VIPAS39: variants seen among roughly 807,000 people sequenced by gnomAD.
The protein encoded by VIPAS39 is VPS33B interacting protein, apical-basolateral polarity regulator, spe-39 homolog.
In VIPAS39, 63 loss-of-function variants were observed where a neutral mutation model predicts 84.7. The ratio of observed to expected loss-of-function variants is 0.74; its 90% CI spans 0.61 to 0.92. The LOEUF is 0.92. VIPAS39 is among the 40% of genes least tolerant of loss of function. VIPAS39 has a pLI of 0.00. For missense variants in VIPAS39, 499 were observed against 604.5 expected, an observed-to-expected ratio of 0.83 and a Z score of 1.83; for synonymous variants, 192 against 216.5, an observed-to-expected ratio of 0.89 and a Z score of 0.99.
chr14:77,439,168 A>G (rs2078661114), intron 11 of VIPAS39, among the ~76,000 whole-genome samples: 1 of 152,246 alleles, frequency 6.6e-6, no homozygotes, highest in African/African-American at 2.4e-5. Flanking sequence ...ACAAGGTTGA[A>G]AAACTCAAAA....
chr14:77,428,186 G>A (rs1408029418), intron 19 of VIPAS39, among the ~76,000 whole-genome samples, 184 bp downstream of exon 19: 3 of 152,128 alleles, frequency 2.0e-5, no homozygotes, highest in East Asian at 1.9e-4. Context: ...CTATCATACC[G>A]CATCTCAGGA....
chr14:77,440,032 G>A (rs992721613), intron 11 of VIPAS39, among the ~76,000 whole-genome samples: 3 of 151,930 alleles, frequency 2.0e-5, no homozygotes, highest in Non-Finnish European at 2.9e-5. Flanking sequence ...ACAGGCATGC[G>A]CCACCATGCT....
chr14:77,453,905 T>C, intron 2 of VIPAS39, 105 bp downstream of exon 2: 1 of 1,031,380 alleles, frequency 9.7e-7, no homozygotes, highest in East Asian at 2.4e-5. Context: ...TTTCTGAGCC[T>C]AATGAAGACA....
At chr14:77,443,029 A>G in intron 9 of VIPAS39, 90 bp downstream of exon 9, 2 of 1,554,672 alleles carry the variant, frequency 1.3e-6, no homozygotes, top group South Asian at 2.2e-5. Context: ...GACTTGACTA[A>G]TGAATTCTGG....
Position 77,435,929 on chromosome 14 carries a change from T to G in VIPAS39, c.837-10A>C, listed in dbSNP as rs570589842. ...TGCTGAAAATGGCAAACTGGTAGAG[T>G]GCCAGAAGGTTAGTACCTTTCTCTA... is the stretch of plus-strand genomic sequence containing the variant. On this transcript the variant is annotated splice_polypyrimidine_tract_variant and intron_variant, in intron 12 of 19. Coordinates refer to ENST00000557658, the MANE Select transcript of VIPAS39 (RefSeq NM_001193315.2). The G allele has an allele frequency of 1.2e-6, 2 of 1,613,934 alleles. No homozygotes were observed. Among genetic ancestry groups the G allele is most frequent in the African/African-American group, 2.7e-5 (2 of 74,990 alleles).
chr14:77,457,220 G>A, intron 1 of VIPAS39: 1 of 1,521,682 alleles, frequency 6.6e-7, no homozygotes, highest in Non-Finnish European at 8.8e-7. Flanking sequence ...AGGAAGCCAT[G>A]GATCTACCGC....
At chr14:77,453,972 A>C in intron 2 of VIPAS39, 38 bp downstream of exon 2, 1 of 1,597,366 alleles carries the variant, frequency 6.3e-7, no homozygotes, top group Non-Finnish European at 8.6e-7. Flanking sequence ...TTATAGTGGC[A>C]CTGTGGAGAA....
intron 1 of VIPAS39, among the ~76,000 whole-genome samples, chr14:77,456,897 C>G (rs1392592842): frequency 6.6e-6 from 1 of 152,166 alleles, no homozygotes; most frequent in Non-Finnish European, 1.5e-5. Flanking sequence ...ACGATTGTCA[C>G]TCTTAAGAGT....
intron 10 of VIPAS39, among the ~76,000 whole-genome samples, chr14:77,441,796 T>G (rs980754696): frequency 3.3e-5 from 5 of 152,212 alleles, no homozygotes. Flanking sequence ...TTGGGCCACA[T>G]GTCAGTCTAA....
chr14:77,435,220 C>CA (rs2078588491), intron 14 of VIPAS39, 39 bp downstream of exon 14: 5 of 1,613,328 alleles, frequency 3.1e-6, no homozygotes, highest in Non-Finnish European at 4.2e-6. Context: ...TCTTTTTGTG[C>CA]AATGAGAGTT....
rs2078748863 is a variant in VIPAS39 at position 77,444,138 on chromosome 14, A to G, written c.597+111T>C. The G allele has an allele frequency of 3.6e-6, 4 of 1,096,984 alleles. No homozygotes were observed. In the Admixed American group the frequency reaches 8.1e-5, roughly 22 times the overall value. 68.0% of individuals were successfully genotyped at this position (1,096,984 alleles called of 1,614,324 possible). A position where few individuals can be genotyped will look rare whatever the true frequency, so the allele number is the denominator to read the frequency against. Reference sequence around the variant, plus strand: ...TTAGAATCCTACACCTCCAAGGGGAATCCAGGATCTTTACTTAACATTTAA... The same window carrying G: ...TTAGAATCCTACACCTCCAAGGGGAGTCCAGGATCTTTACTTAACATTTAA... On this transcript the variant is annotated intron_variant, in intron 8 of 19. Coordinates refer to ENST00000557658, the MANE Select transcript of VIPAS39 (RefSeq NM_001193315.2).
At chr14:77,444,370 CAAG>C in intron 7 of VIPAS39, 29 bp from the exon 8 acceptor site, 1 of 1,585,072 alleles carries the variant, frequency 6.3e-7, no homozygotes, top group African/African-American at 1.3e-5. Flanking sequence ...AATTAGTACA[CAAG>C]AAGACAGTTT....
Position 77,426,842 on chromosome 14 carries a change from T to A in VIPAS39, c.*774A>T, listed in dbSNP as rs751316071. The stretch of plus-strand genomic sequence containing the variant: ...GAAATGCTGCTGAATTTAGCCCAGG[T>A]GAAACTTCTGAAAGCTCCTGGTGAA... On this transcript the variant is annotated 3_prime_UTR_variant, in exon 20 of 20. Coordinates refer to ENST00000557658, the MANE Select transcript of VIPAS39 (RefSeq NM_001193315.2). The A allele has an allele frequency of 7.9e-5, 12 of 152,172 alleles. No individual in the cohort carries two copies. The highest frequency in any genetic ancestry group is 1.3e-4 in the Admixed American group (2 of 15,286). 9.4% of individuals were successfully genotyped at this position (152,172 alleles called of 1,614,324 possible).
At chr14:77,437,626 C>A (rs1388945345) in intron 12 of VIPAS39, among the ~76,000 whole-genome samples, 182 bp downstream of exon 12, 1 of 152,036 alleles carries the variant, frequency 6.6e-6, no homozygotes, top group Non-Finnish European at 1.5e-5. Context: ...TACCATCAAG[C>A]AGTGGAAACT....
Position 77,435,044 on chromosome 14 carries a change from T to G in VIPAS39, c.1047+215A>C, listed in dbSNP as rs927556216. 7 of 629,948 alleles carry G rather than the reference T, an allele frequency of 1.1e-5. No homozygotes were observed. The East Asian group carries it at 1.2e-4, about 11-fold the overall frequency. 39.0% of individuals were successfully genotyped at this position (629,948 alleles called of 1,614,324 possible). A position where few individuals can be genotyped will look rare whatever the true frequency, so the allele number is the denominator to read the frequency against. Reference sequence around the variant, plus strand: ...AGGGACAGAACTTGCTATGCTAGCATGCCAGCTCACTTGAAGCTACAAACC... The same window carrying G: ...AGGGACAGAACTTGCTATGCTAGCAGGCCAGCTCACTTGAAGCTACAAACC... On this transcript the variant is annotated intron_variant, in intron 14 of 19. Transcript: ENST00000557658.
At chr14:77,444,743 T>A (rs1038105796) in intron 7 of VIPAS39, among the ~76,000 whole-genome samples, 1 of 151,620 alleles carries the variant, frequency 6.6e-6, no homozygotes, top group African/African-American at 2.4e-5. Context: ...CGGCTAATTT[T>A]TTTTTAGTAA....
intron 16 of VIPAS39, among the ~76,000 whole-genome samples, chr14:77,430,137 A>T (rs2078498142): frequency 6.6e-6 from 1 of 152,220 alleles, no homozygotes. Flanking sequence ...GAAGGTCTGG[A>T]AAGCTACCCA....
chr14:77,444,770 G>A (rs2078760500), intron 7 of VIPAS39, among the ~76,000 whole-genome samples: 1 of 151,652 alleles, frequency 6.6e-6, no homozygotes, highest in Non-Finnish European at 1.5e-5. Flanking sequence ...TTTTAGTAGA[G>A]ACGGGGTTTC....
chr14:77,457,249 G>C (rs2078973900), intron 1 of VIPAS39: 3 of 1,534,062 alleles, frequency 2.0e-6, no homozygotes, highest in Admixed American at 3.9e-5. Flanking sequence ...GAGCCCAGCG[G>C]ATCCCTGGCA....
Sources: gnomAD v4.1 joint callset for allele counts (sites outside exome capture counted in the v4.1 genomes callset) on GRCh38, gnomAD v4.1.1 for gene constraint, MANE v1.5 for transcripts, NCBI Gene and HGNC (gene_info 2026-07-23, HGNC 2026-07-21) for gene names.